PKP1: variants seen among roughly 807,000 people sequenced by gnomAD.
The protein encoded by PKP1 is plakophilin-1.
In PKP1, 27 loss-of-function variants were observed where a neutral mutation model predicts 76.4. That is an observed-to-expected ratio of 0.35 (90% CI 0.26 to 0.49). The LOEUF (loss-of-function observed/expected upper bound fraction) is 0.49, where lower values mean the gene tolerates loss of function less well. Among genes scored for constraint, PKP1 ranks in the 20% least tolerant of loss-of-function variants. The pLI, the probability that PKP1 is intolerant of heterozygous loss-of-function variation, is 0.99. For synonymous variants in PKP1, 404 were observed against 384.2 expected (o/e 1.05, Z -0.60); for missense variants, 964 against 955.2 (o/e 1.01, Z -0.12).
At chr1:201,287,914 T>G (rs138316287) in intron 1 of PKP1, among the ~76,000 whole-genome samples, 1 of 152,318 alleles carries the variant, frequency 6.6e-6, no homozygotes, top group African/African-American at 2.4e-5. Context: ...TGAAGTTCCT[T>G]CTAGGCATAC....
chr1:201,329,208 G>A (rs905319571), intron 13 of PKP1, among the ~76,000 whole-genome samples: 2 of 152,176 alleles, frequency 1.3e-5, no homozygotes, highest in African/African-American at 2.4e-5. Context: ...TGGAGTTCTA[G>A]AATATGTCAT....
intron 2 of PKP1, among the ~76,000 whole-genome samples, chr1:201,301,535 G>A (rs1209708855): frequency 6.6e-6 from 1 of 152,114 alleles, no homozygotes; most frequent in Non-Finnish European, 1.5e-5. Context: ...ATGAGATACT[G>A]TGAGGCAGAC....
At chr1:201,308,302 C>A (rs1459143977) in intron 2 of PKP1, among the ~76,000 whole-genome samples, 1 of 152,214 alleles carries the variant, frequency 6.6e-6, no homozygotes, top group East Asian at 1.9e-4. Flanking sequence ...ATGGGAACTG[C>A]AGTGCTGTCA....
At chr1:201,302,344 G>C (rs1392316443) in intron 2 of PKP1, among the ~76,000 whole-genome samples, 1 of 152,186 alleles carries the variant, frequency 6.6e-6, no homozygotes, top group African/African-American at 2.4e-5. Flanking sequence ...GGGGTGTGAA[G>C]AGCAAGAGGA....
intron 10 of PKP1, 143 bp from the exon 11 acceptor site, chr1:201,324,798 G>T (rs1001490662): frequency 1.6e-5 from 16 of 1,014,846 alleles, no homozygotes; most frequent in Non-Finnish European, 2.1e-5. Context: ...TGAGCCCTGA[G>T]TTGGAGCTGC....
At chr1:201,301,753 C>T (rs1472365314) in intron 2 of PKP1, among the ~76,000 whole-genome samples, 1 of 151,304 alleles carries the variant, frequency 6.6e-6, no homozygotes, top group African/African-American at 2.4e-5. Context: ...TCTTTTGGCC[C>T]TGACAAAAAC....
intron 2 of PKP1, among the ~76,000 whole-genome samples, chr1:201,300,580 G>A (rs3819802): frequency 0.49 from 74,995 of 152,164 alleles, 22,426 homozygotes; most frequent in East Asian, 0.73. Flanking sequence ...CTGAGGGCTG[G>A]TTTCCCGTGA....
intron 1 of PKP1, among the ~76,000 whole-genome samples, chr1:201,284,153 A>T (rs854715): frequency 6.6e-6 from 1 of 152,202 alleles, no homozygotes; most frequent in African/African-American, 2.4e-5. Flanking sequence ...AGGATGGGTG[A>T]TTCACCGGGA....
chr1:201,320,608 T>C (rs1273995109), intron 7 of PKP1, among the ~76,000 whole-genome samples: 1 of 152,208 alleles, frequency 6.6e-6, no homozygotes, highest in African/African-American at 2.4e-5. Context: ...TGCAGCTGCT[T>C]CCCTAATCTC....
rs966574594 is a variant in PKP1, at chr1:201,324,499, A to G, written c.1752A>G (p.Gln584=). Residue 584 remains glutamine (Q), a synonymous_variant, in exon 10 of 14, where the codon CAA becomes CAG. Transcript: ENST00000367324. ...TGCCACAAATTGCCCGCCTCCTGCA[A>G]TCTGGCAACTCTGATGTGGTGCGGT... ...KGLPQIARLL[Q]SGNSDVVRSG... The G allele has an allele frequency of 1.2e-5, 20 of 1,614,130 alleles. No homozygotes were observed. Among genetic ancestry groups the G allele is most frequent in the Non-Finnish European group, 1.6e-5 (19 of 1,180,018 alleles).
rs925352333 is a variant in PKP1, at chr1:201,330,181, A to G, written c.*140A>G. On this transcript the variant is annotated 3_prime_UTR_variant, in exon 14 of 14. Coordinates refer to ENST00000367324, the MANE Select transcript of PKP1 (RefSeq NM_001005337.3). ...ACAAGAAACTGAGAAGAAACCTAAA[A>G]ACTGTGGATAGTGGAAAGATTTTTA... is the stretch of plus-strand genomic sequence containing the variant. 6.6e-6 allele frequency: 1 copy of G among 152,050 alleles called. No individual in the cohort carries two copies. The highest frequency in any genetic ancestry group is 6.6e-5 in the Admixed American group (1 of 15,262). The allele number at this position is 152,050 out of a possible 1,614,324, so 9.4% of individuals were successfully genotyped here. A position where few individuals can be genotyped will look rare whatever the true frequency, so the allele number is the denominator to read the frequency against.
At chr1:201,294,157 C>A in intron 2 of PKP1, 112 bp downstream of exon 2, 1 of 766,570 alleles carries the variant, frequency 1.3e-6, no homozygotes, top group South Asian at 1.5e-5. Flanking sequence ...AGGCTTTGGT[C>A]CGTGAGTTGA....
chr1:201,313,347 C>T lies in PKP1; in HGVS notation c.488C>T (p.Pro163Leu), dbSNP rs779112141. 1 of 1,586,980 alleles carries T rather than the reference C, an allele frequency of 6.3e-7. No homozygotes were observed. Among genetic ancestry groups the T allele is most frequent in the Non-Finnish European group, 8.6e-7 (1 of 1,166,430 alleles). The change falls in exon 3 of 14, where the codon CCA (proline) becomes CTA (leucine). Residue 163 changes from proline to leucine, a missense_variant. Coordinates refer to ENST00000367324, the MANE Select transcript of PKP1 (RefSeq NM_001005337.3). The stretch of plus-strand genomic sequence containing the variant: ...AGTGAGCCCGACCTCTACTGTGACC[C>T]ACGGGGCACCCTGCGCAAGGGCACG... ...SRSEPDLYCD[P>L]RGTLRKGTLG... is the part of the protein sequence containing the mutation.
chr1:201,310,960 A>G (rs1656530419), intron 2 of PKP1, among the ~76,000 whole-genome samples: 2 of 152,214 alleles, frequency 1.3e-5, no homozygotes, highest in African/African-American at 4.8e-5. Context: ...ACAGGAAAGC[A>G]AAGCCCAAAG....
intron 1 of PKP1, among the ~76,000 whole-genome samples, chr1:201,287,327 C>A (rs1655771475): frequency 6.6e-6 from 1 of 152,174 alleles, no homozygotes; most frequent in African/African-American, 2.4e-5. Context: ...ACTCCGCAGC[C>A]TGCACAGTGA....
At chr1:201,318,833 C>T in intron 6 of PKP1, 38 bp downstream of exon 6, 1 of 1,522,174 alleles carries the variant, frequency 6.6e-7, no homozygotes, top group Non-Finnish European at 8.9e-7. Flanking sequence ...TTTGTCCCAG[C>T]CTTGGGCCCT....
In PKP1 at chr1:201,317,744, G is replaced by A; in HGVS notation, c.1019G>A (p.Arg340Lys). The A allele has an allele frequency of 6.2e-7, 1 of 1,613,850 alleles. No homozygotes were observed. The highest frequency in any genetic ancestry group is 8.5e-7 in the Non-Finnish European group (1 of 1,179,922). ...CGCGAGGCAGTCAGCCTCCTGAGGA[G>A]AACCGGGAACGCCGAGATCCAGAAG... ...GIREAVSLLR[R>K]TGNAEIQKQL... Residue 340 changes from arginine (R) to lysine (K), a missense_variant, in exon 5 of 14, where the codon AGA becomes AAA. Arg to Lys is a conservative substitution (Grantham distance 26, BLOSUM62 2). Coordinates refer to ENST00000367324, the MANE Select transcript of PKP1 (RefSeq NM_001005337.3).
At chr1:201,300,416 G>T (rs1656194002) in intron 2 of PKP1, among the ~76,000 whole-genome samples, 1 of 152,244 alleles carries the variant, frequency 6.6e-6, no homozygotes, top group African/African-American at 2.4e-5. Flanking sequence ...GTTGCCCTTA[G>T]GGTTGGGCTG....
intron 6 of PKP1, 76 bp downstream of exon 6, chr1:201,318,871 A>T: frequency 8.0e-7 from 1 of 1,243,202 alleles, no homozygotes; most frequent in Non-Finnish European, 1.2e-6. Flanking sequence ...CTCAGCCAAC[A>T]TTCAGCCGGT....
Sources: gnomAD v4.1 joint callset for allele counts (sites outside exome capture counted in the v4.1 genomes callset) on GRCh38, gnomAD v4.1.1 for gene constraint, MANE v1.5 for transcripts, NCBI Gene and HGNC (gene_info 2026-07-23, HGNC 2026-07-21) for gene names.